The following POU6F2 variants were observed in gnomAD, a reference collection of about 807,000 sequenced individuals.
POU6F2 encodes POU class 6 homeobox 2.
A neutral mutation model predicts 71.3 loss-of-function variants in POU6F2; 31 were observed. That is an observed-to-expected ratio of 0.43 (90% confidence interval 0.33 to 0.59). The LOEUF (loss-of-function observed/expected upper bound fraction) is 0.59, where lower values mean the gene tolerates loss of function less well. Ranked by LOEUF, POU6F2 falls within the 20% of genes least tolerant of loss-of-function variation. The probability of loss-of-function intolerance (pLI) is 0.04; values close to 1 mark genes in which losing one functional copy is unlikely to be tolerated. For synonymous variants in POU6F2, 347 were observed against 355.7 expected (o/e 0.98, Z 0.27); for missense variants, 783 against 856.8 (o/e 0.91, Z 1.07).
chr7:39,437,902 G>A (rs1244406113), intron 7 of POU6F2, among the ~76,000 whole-genome samples: 1 of 151,490 alleles, frequency 6.6e-6, no homozygotes, highest in Non-Finnish European at 1.5e-5. Flanking sequence ...CTAGGAGCAG[G>A]TTGTTCAATT....
intron 4 of POU6F2, among the ~76,000 whole-genome samples, chr7:39,251,671 T>C (rs1783919650): frequency 6.6e-6 from 1 of 152,176 alleles, no homozygotes; most frequent in African/African-American, 2.4e-5. Context: ...TGAGCTCCTG[T>C]TTCTGAGACT....
chr7:39,029,499 G>A (rs188045791), intron 1 of POU6F2, among the ~76,000 whole-genome samples: 47 of 151,714 alleles, frequency 3.1e-4, no homozygotes, highest in Admixed American at 5.3e-4. Context: ...TGGGAGGGGG[G>A]GGTGGATGAT....
rs373665541 is a variant in POU6F2, at chr7:39,339,615, C to A, written c.599-27C>A. 1.3e-4 allele frequency: 210 copies of A among 1,559,136 alleles called. 1 individual carries two copies. Among genetic ancestry groups the A allele is most frequent in the Admixed American group, 3.5e-5 (2 of 57,214 alleles). ...CAAGACACTTTGTCATGTTATCTCA[C>A]TCCACATTCGCTTTCTCTCCTTGTA... On this transcript the variant is annotated intron_variant, in intron 4 of 9. Coordinates refer to ENST00000518318, the MANE Select transcript of POU6F2 (RefSeq NM_001370959.1).
intron 6 of POU6F2, among the ~76,000 whole-genome samples, chr7:39,420,359 T>C (rs930296947): frequency 6.6e-6 from 1 of 152,244 alleles, no homozygotes; most frequent in African/African-American, 2.4e-5. Flanking sequence ...TGACATAGTG[T>C]GCTACTCCAG....
intron 5 of POU6F2, among the ~76,000 whole-genome samples, chr7:39,395,528 C>G (rs548041474): frequency 6.6e-6 from 1 of 152,170 alleles, no homozygotes; most frequent in Admixed American, 6.5e-5. Context: ...GCATTGGCTA[C>G]GTAGGGTAGA....
chr7:39,170,117 G>A lies in POU6F2; in HGVS notation c.278-34118G>A, dbSNP rs992629986. On this transcript the variant is annotated intron_variant, in intron 2 of 9. Transcript: ENST00000518318. ...TGGGAGGTGGAGGTTGCAGTGAATCGAGACCTTGCCACTGCACTCCAGCCT... is the reference window on the plus strand; with the variant it reads ...TGGGAGGTGGAGGTTGCAGTGAATCAAGACCTTGCCACTGCACTCCAGCCT... Among the ~76,000 whole-genome samples, 33 of 152,226 alleles carry A rather than the reference G, an allele frequency of 2.2e-4. No homozygotes were observed. The Middle Eastern group carries it at 0.014, about 63-fold the overall frequency.
chr7:39,320,648 G>T (rs543313508), intron 4 of POU6F2, among the ~76,000 whole-genome samples: 67 of 152,238 alleles, frequency 4.4e-4, no homozygotes, highest in African/African-American at 1.5e-3. Context: ...CACCCCCAGT[G>T]GTTACCTGAA....
intron 6 of POU6F2, among the ~76,000 whole-genome samples, chr7:39,416,093 T>TATACACAC (rs1787666040): frequency 7.2e-6 from 1 of 139,204 alleles, no homozygotes; most frequent in Non-Finnish European, 1.5e-5. Flanking sequence ...CTCGAAGGCA[T>TATACACAC]ACACACACAC....
chr7:39,273,936 CAA>C (rs1399671239), intron 4 of POU6F2, among the ~76,000 whole-genome samples: 3 of 151,848 alleles, frequency 2.0e-5, no homozygotes, highest in African/African-American at 7.2e-5. Flanking sequence ...AGAGTAAAAA[CAA>C]AAATATTGAA....
chr7:39,108,228 A>C (rs1282078742), intron 2 of POU6F2, among the ~76,000 whole-genome samples: 1 of 152,062 alleles, frequency 6.6e-6, no homozygotes, highest in Non-Finnish European at 1.5e-5. Flanking sequence ...GTCTAGATGC[A>C]GTTGTTGGGA....
rs201880507 is a variant in POU6F2, at chr7:39,204,307, C to A, written c.350C>A (p.Pro117Gln). ...DQHQASQTHP[P>Q]FPVGPQPLLT... is the part of the protein sequence containing the mutation. The stretch of plus-strand genomic sequence containing the variant: ...CACCAGGCCAGTCAGACCCACCCCC[C>A]ATTTCCAGTTGGGCCACAGGTCAGT... The change falls in exon 3 of 10, where the codon CCA becomes CAA. Residue 117 changes from proline to glutamine, a missense_variant. Transcript: ENST00000518318. The A allele has an allele frequency of 1.2e-5, 20 of 1,613,702 alleles. No individual in the cohort carries two copies. The East Asian group carries it at 1.6e-4, about 13-fold the overall frequency.
At chr7:39,110,337 G>T (rs895561866) in intron 2 of POU6F2, among the ~76,000 whole-genome samples, 4 of 149,550 alleles carry the variant, frequency 2.7e-5, no homozygotes, top group African/African-American at 9.8e-5. Flanking sequence ...TAAAAACAAA[G>T]CTAAAAATAT....
At chr7:39,405,221 C>A (rs781767361) in intron 5 of POU6F2, among the ~76,000 whole-genome samples, 4 of 151,990 alleles carry the variant, frequency 2.6e-5, no homozygotes, top group Non-Finnish European at 5.9e-5. Context: ...AATTCCTGTC[C>A]TTTTTGATGT....
chr7:39,263,685 ACAC>A (rs371060502), intron 4 of POU6F2, among the ~76,000 whole-genome samples: 8,639 of 152,058 alleles, frequency 0.057, 469 homozygotes, highest in African/African-American at 0.14. Flanking sequence ...ACACACACAC[ACAC>A]AAGTCACACG....
chr7:39,316,971 CA>C (rs1436737394), intron 4 of POU6F2, among the ~76,000 whole-genome samples: 2 of 152,172 alleles, frequency 1.3e-5, no homozygotes, highest in African/African-American at 4.8e-5. Context: ...CTGAGATTAA[CA>C]AAAGCTTCCC....
At chr7:39,185,704 A>G (rs920059941) in intron 2 of POU6F2, among the ~76,000 whole-genome samples, 1 of 151,956 alleles carries the variant, frequency 6.6e-6, no homozygotes, top group Admixed American at 6.6e-5. Context: ...TGTAGGCCCC[A>G]GAGGCTCAGG....
chr7:39,237,347 A>G (rs1794693373), intron 4 of POU6F2, among the ~76,000 whole-genome samples: 1 of 152,184 alleles, frequency 6.6e-6, no homozygotes, highest in African/African-American at 2.4e-5. Context: ...ATGTTTTACT[A>G]GCACCCATGT....
chr7:39,265,837 G>T (rs540156588), intron 4 of POU6F2, among the ~76,000 whole-genome samples: 1 of 152,138 alleles, frequency 6.6e-6, no homozygotes. Context: ...TTAATAGAGC[G>T]GTGTGCAGAC....
At chr7:39,350,154 C>T (rs1385304481) in intron 5 of POU6F2, among the ~76,000 whole-genome samples, 1 of 152,192 alleles carries the variant, frequency 6.6e-6, no homozygotes, top group Non-Finnish European at 1.5e-5. Context: ...TAGTTTTCTA[C>T]ACCAGGAGAT....
Sources: gnomAD v4.1 joint callset for allele counts (sites outside exome capture counted in the v4.1 genomes callset) on GRCh38, gnomAD v4.1.1 for gene constraint, MANE v1.5 for transcripts, NCBI Gene and HGNC (gene_info 2026-07-23, HGNC 2026-07-21) for gene names.